GPR39: variants seen among roughly 807,000 people sequenced by gnomAD.
The protein encoded by GPR39 is G protein-coupled receptor 39.
In GPR39, 23 loss-of-function variants were observed where a neutral mutation model predicts 18.4. The ratio of observed to expected loss-of-function variants is 1.25; its 90% CI spans 0.90 to 1.77. The LOEUF (loss-of-function observed/expected upper bound fraction) is 1.77, where lower values mean the gene tolerates loss of function less well. GPR39 is among the 40% of genes most tolerant of loss of function. The pLI is 0.00. For synonymous variants in GPR39, 280 were observed against 257.9 expected, an observed-to-expected ratio of 1.09 and a Z score of -0.82; for missense variants, 647 against 602.4, an observed-to-expected ratio of 1.07 and a Z score of -0.78.
chr2:132,549,517 G>T (rs753245688), intron 1 of GPR39, among the ~76,000 whole-genome samples: 1 of 152,158 alleles, frequency 6.6e-6, no homozygotes, highest in Non-Finnish European at 1.5e-5. Flanking sequence ...GGTCGGGCAC[G>T]GTGGCTCACG....
intron 1 of GPR39, among the ~76,000 whole-genome samples, chr2:132,492,604 TAC>T (rs1404672573): frequency 2.1e-5 from 3 of 142,570 alleles, no homozygotes; most frequent in African/African-American, 7.7e-5. Flanking sequence ...ATACCATATA[TAC>T]ACACCATCTA....
rs147418150 is a variant in GPR39 at position 132,645,023 on chromosome 2, A to C, written c.857-78A>C. 8,689 of 1,485,998 alleles carry C rather than the reference A, an allele frequency of 5.8e-3. 32 individuals carry two copies. The highest frequency in any genetic ancestry group is 6.7e-3 in the Non-Finnish European group (7,360 of 1,099,880). The allele number at this position is 1,485,998 out of a possible 1,614,324, so 92.1% of individuals were successfully genotyped here. On this transcript the variant is annotated intron_variant, in intron 1 of 1. Transcript: ENST00000329321. The stretch of plus-strand genomic sequence containing the variant: ...ACAGAACAGAGGGGCTAAATATTTT[A>C]TGGTTTTATTCATTTACTGTGTTCT...
chr2:132,535,934 T>G (rs1209556323), intron 1 of GPR39, among the ~76,000 whole-genome samples: 1 of 151,536 alleles, frequency 6.6e-6, no homozygotes, highest in East Asian at 1.9e-4. Flanking sequence ...TTTTTTTTAT[T>G]GTGGTCTATT....
chr2:132,645,418 T>C lies in GPR39; in HGVS notation c.1174T>C (p.Leu392=), dbSNP rs2104886840. The change falls in exon 2 of 2, where the codon TTG becomes CTG. Residue 392 remains leucine (L), a synonymous_variant. Transcript: ENST00000329321. ...TDSARFVQRP[L]LFASRRQSSA... ...CAGCGCCCGCTTTGTGCAGCGCCCG[T>C]TGCTCTTCGCGTCCCGGCGCCAGTC... The C allele has an allele frequency of 1.2e-6, 2 of 1,613,530 alleles. No individual in the cohort carries two copies. Among genetic ancestry groups the C allele is most frequent in the Non-Finnish European group, 8.5e-7 (1 of 1,180,002 alleles).
chr2:132,615,846 T>C (rs1007816356), intron 1 of GPR39, among the ~76,000 whole-genome samples: 4 of 151,938 alleles, frequency 2.6e-5, no homozygotes, highest in Admixed American at 2.6e-4. Flanking sequence ...TACTCTCAGG[T>C]GTTGATCCTG....
intron 1 of GPR39, among the ~76,000 whole-genome samples, chr2:132,438,265 C>G (rs2104763241): frequency 6.6e-6 from 1 of 152,284 alleles, no homozygotes; most frequent in African/African-American, 2.4e-5. Flanking sequence ...TAGGAGGATC[C>G]TGAGTGCTTT....
At chr2:132,624,484 A>G (rs545153599) in intron 1 of GPR39, among the ~76,000 whole-genome samples, 2 of 152,342 alleles carry the variant, frequency 1.3e-5, no homozygotes, top group South Asian at 4.1e-4. Flanking sequence ...AAAGTTTACA[A>G]CATACATACT....
intron 1 of GPR39, among the ~76,000 whole-genome samples, chr2:132,621,485 T>A (rs758561593): frequency 6.6e-6 from 1 of 152,184 alleles, no homozygotes; most frequent in African/African-American, 2.4e-5. Context: ...TGTTTTCCAA[T>A]TGATTGGTTC....
At chr2:132,436,168 C>T (rs768582821) in intron 1 of GPR39, among the ~76,000 whole-genome samples, 158 of 151,940 alleles carry the variant, frequency 1.0e-3, no homozygotes, top group Non-Finnish European at 2.1e-3. Flanking sequence ...GCAGCAGCTC[C>T]AGGCCCTGGC....
intron 1 of GPR39, among the ~76,000 whole-genome samples, chr2:132,531,496 A>G (rs1312928122): frequency 6.6e-6 from 1 of 152,200 alleles, no homozygotes; most frequent in Non-Finnish European, 1.5e-5. Flanking sequence ...GCTCTGCACC[A>G]AGTGGACCTA....
chr2:132,499,473 G>A lies in GPR39; in HGVS notation c.856+81575G>A, dbSNP rs112542869. Among the ~76,000 whole-genome samples the A allele has an allele frequency of 4.9e-3, 749 of 152,168 alleles. 11 individuals are homozygous for A. The highest frequency in any genetic ancestry group is 0.017 in the African/African-American group (706 of 41,528). On this transcript the variant is annotated intron_variant, in intron 1 of 1. Coordinates refer to ENST00000329321, the MANE Select transcript of GPR39 (RefSeq NM_001508.3). Reference sequence around the variant, plus strand: ...ACTATGGCCTTATAGTGTGAAGTTGGGGGGTGTGATACCTCTAGATTTGTG... The same window carrying A: ...ACTATGGCCTTATAGTGTGAAGTTGAGGGGTGTGATACCTCTAGATTTGTG...
At chr2:132,562,224 C>G (rs760976789) in intron 1 of GPR39, among the ~76,000 whole-genome samples, 3 of 152,120 alleles carry the variant, frequency 2.0e-5, no homozygotes, top group Non-Finnish European at 4.4e-5. Context: ...GCTTTCATCT[C>G]TTCTCCCTCA....
At chr2:132,536,172 A>G (rs774436834) in intron 1 of GPR39, among the ~76,000 whole-genome samples, 17 of 152,162 alleles carry the variant, frequency 1.1e-4, no homozygotes, top group Non-Finnish European at 2.1e-4. Context: ...TAGGGTGTCA[A>G]TCTGAGATCT....
At chr2:132,598,794 G>A (rs1250869149) in intron 1 of GPR39, among the ~76,000 whole-genome samples, 1 of 152,062 alleles carries the variant, frequency 6.6e-6, no homozygotes, top group Non-Finnish European at 1.5e-5. Context: ...AGATCCCTCT[G>A]AGCTAGAAAG....
intron 1 of GPR39, among the ~76,000 whole-genome samples, chr2:132,500,383 A>G (rs1679002518): frequency 1.3e-5 from 2 of 152,120 alleles, no homozygotes; most frequent in South Asian, 4.1e-4. Context: ...TATCACACTT[A>G]TTGACTTATA....
Position 132,646,114 on chromosome 2 carries a change from C to T in GPR39, c.*508C>T, listed in dbSNP as rs372034990. On this transcript the variant is annotated 3_prime_UTR_variant, in exon 2 of 2. Coordinates refer to ENST00000329321, the MANE Select transcript of GPR39 (RefSeq NM_001508.3). The stretch of plus-strand genomic sequence containing the variant: ...TGGTGCGGAGCCCTGGCCTGAGGGC[C>T]GAGGCAGAACTTCCCCTTTTCTTGG... 1.0e-4 allele frequency: 165 copies of T among 1,608,084 alleles called. 1 individual carries two copies. The highest frequency in any genetic ancestry group is 1.2e-4 in the Non-Finnish European group (142 of 1,176,890).
chr2:132,594,615 T>C (rs776684049), intron 1 of GPR39, among the ~76,000 whole-genome samples: 2 of 151,998 alleles, frequency 1.3e-5, no homozygotes, highest in African/African-American at 2.4e-5. Flanking sequence ...ACTAAACACT[T>C]TTATCTGTGA....
At chr2:132,643,930 T>C (rs1681926273) in intron 1 of GPR39, among the ~76,000 whole-genome samples, 1 of 152,200 alleles carries the variant, frequency 6.6e-6, no homozygotes, top group African/African-American at 2.4e-5. Context: ...TGTGAGTAAA[T>C]GTTTCTTACT....
intron 1 of GPR39, among the ~76,000 whole-genome samples, chr2:132,590,583 G>A (rs1680808652): frequency 6.6e-6 from 1 of 151,966 alleles, no homozygotes; most frequent in Non-Finnish European, 1.5e-5. Flanking sequence ...ACAAGGGTAG[G>A]CACTGAGTTT....
Sources: allele counts gnomAD v4.1 joint callset (sites outside exome capture counted in the v4.1 genomes callset), GRCh38; gene constraint gnomAD v4.1.1; transcripts MANE v1.5; gene names NCBI Gene and HGNC (gene_info 2026-07-23, HGNC 2026-07-21).